SLC48A1: variants seen among roughly 807,000 people sequenced by gnomAD.
SLC48A1 encodes solute carrier family 48 member 1.
SLC48A1 carries 6 observed loss-of-function variants against 14.8 expected under a neutral mutation model. The ratio of observed to expected loss-of-function variants is 0.41; its 90% CI spans 0.22 to 0.80. SLC48A1 has a LOEUF of 0.80. Among genes scored for constraint, SLC48A1 ranks in the 30% least tolerant of loss-of-function variants. The pLI is 0.34. For missense variants in SLC48A1, 165 were observed against 204.8 expected (o/e 0.81, Z 1.19); for synonymous variants, 89 against 90.0 (o/e 0.99, Z 0.06).
upstream of SLC48A1, chr12:47,768,677 G>T (rs1399650245): frequency 6.6e-6 from 1 of 152,232 alleles, no homozygotes; most frequent in Admixed American, 6.5e-5. Flanking sequence ...TGTGGGAGAA[G>T]ATATGTCTGG....
chr12:47,766,898 G>A (rs1942527111), upstream of SLC48A1, among the ~76,000 whole-genome samples: 1 of 152,122 alleles, frequency 6.6e-6, no homozygotes, highest in African/African-American at 2.4e-5. Context: ...CCTAGCCCTG[G>A]GGAGCTGCAT....
chr12:47,781,660 C>A lies in SLC48A1; in HGVS notation c.*1379C>A. On this transcript the variant is annotated 3_prime_UTR_variant, in exon 3 of 3. Transcript: ENST00000442218. ...GTCACTTTAGCAAAAATACAGCGGCCATTTGTATCAGCCTCTGGTGGTTGC... is the reference window on the plus strand; with the variant it reads ...GTCACTTTAGCAAAAATACAGCGGCAATTTGTATCAGCCTCTGGTGGTTGC... 1 of 152,648 alleles carries A rather than the reference C, an allele frequency of 6.6e-6. No homozygotes were observed. The highest frequency in any genetic ancestry group is 1.5e-5 in the Non-Finnish European group (1 of 67,990). 9.5% of individuals were successfully genotyped at this position (152,648 alleles called of 1,614,324 possible).
chr12:47,758,554 C>T, upstream of SLC48A1: 1 of 1,614,040 alleles, frequency 6.2e-7, no homozygotes. Flanking sequence ...TACCCACCTT[C>T]ATGTTTCTTT....
chr12:47,758,225 A>G, upstream of SLC48A1: 3 of 1,434,938 alleles, frequency 2.1e-6, no homozygotes, highest in Non-Finnish European at 2.7e-6. Flanking sequence ...AGCTGGGGGG[A>G]GGAACAGGAA....
chr12:47,775,787 T>A (rs1942740385), intron 1 of SLC48A1, among the ~76,000 whole-genome samples: 1 of 152,138 alleles, frequency 6.6e-6, no homozygotes, highest in African/African-American at 2.4e-5. Context: ...CTGGGTCTGG[T>A]GGGCAGAGTG....
At position 47,773,708 on chromosome 12, in the gene SLC48A1, C is replaced by T. The variant is rs12307801; in HGVS notation, c.136+268C>T. Among the ~76,000 whole-genome samples, 1,465 of 152,320 alleles carry T rather than the reference C, an allele frequency of 9.6e-3. 26 individuals are homozygous for T. The highest frequency in any genetic ancestry group is 0.095 in the South Asian group (456 of 4,824). On this transcript the variant is annotated intron_variant, in intron 1 of 2. Coordinates refer to ENST00000442218, the MANE Select transcript of SLC48A1 (RefSeq NM_017842.3). ...GGCTGCACAGACCTGCCGCGCCGCC[C>T]GGGTTATCTGTCACGGCACACTGCC...
upstream of SLC48A1, among the ~76,000 whole-genome samples, chr12:47,757,008 T>C (rs1488305680): frequency 1.3e-5 from 2 of 151,528 alleles, no homozygotes; most frequent in African/African-American, 2.4e-5. Context: ...AAATGAACTC[T>C]CCCGGCCAAG....
chr12:47,764,991 C>T (rs1592597436), intron 2 of SLC48A1, among the ~76,000 whole-genome samples: 2 of 140,800 alleles, frequency 1.4e-5, no homozygotes, highest in Non-Finnish European at 3.0e-5. Flanking sequence ...GCAGGAGAAT[C>T]GCTTAAACCT....
intron 2 of SLC48A1, among the ~76,000 whole-genome samples, chr12:47,761,030 C>A (rs1307273025): frequency 6.6e-6 from 1 of 152,054 alleles, no homozygotes; most frequent in Non-Finnish European, 1.5e-5. Flanking sequence ...AACCCTGTCT[C>A]TACTAAAAAT....
chr12:47,763,236 C>T (rs12818241), intron 2 of SLC48A1, among the ~76,000 whole-genome samples: 20,163 of 152,166 alleles, frequency 0.13, 1,448 homozygotes, highest in Non-Finnish European at 0.16. Context: ...ACTCATGTCT[C>T]CTCTATCCTG....
At chr12:47,758,981 C>G (rs1017692751) in intron 1 of SLC48A1, 1 of 999,648 alleles carries the variant, frequency 1.0e-6, no homozygotes, top group Non-Finnish European at 1.2e-6. Flanking sequence ...CCCTGCCTTA[C>G]GGTAGAGGAA....
exon 1 of SLC48A1, chr12:47,758,580 C>T (rs1193181073): frequency 1.9e-6 from 3 of 1,613,762 alleles, no homozygotes; most frequent in African/African-American, 2.7e-5. Context: ...CTCGCACAGC[C>T]GTGCAGGCTC....
At chr12:47,762,127 C>G (rs938351725) in intron 2 of SLC48A1, among the ~76,000 whole-genome samples, 1 of 152,162 alleles carries the variant, frequency 6.6e-6, no homozygotes, top group African/African-American at 2.4e-5. Flanking sequence ...ACACTCTACT[C>G]GGACAATGAG....
intron 1 of SLC48A1, chr12:47,759,058 A>G: frequency 2.0e-6 from 2 of 987,076 alleles, no homozygotes; most frequent in Non-Finnish European, 2.4e-6. Context: ...CAGAGTGGAC[A>G]TCCGCCTGAG....
chr12:47,779,841 G>A lies in SLC48A1; in HGVS notation c.305-304G>A, dbSNP rs947357816. Among the ~76,000 whole-genome samples the A allele has an allele frequency of 2.6e-5, 4 of 152,340 alleles. No homozygotes were observed. The East Asian group carries it at 5.8e-4, about 22-fold the overall frequency. On this transcript the variant is annotated intron_variant, in intron 2 of 2. Transcript: ENST00000442218. ...AGAAGCGCAAACCCTGTTGTGAGGC[G>A]CATGCGAGGGTTGCGTGCCCCTGAT...
At chr12:47,762,138 C>T (rs1259101832) in intron 2 of SLC48A1, among the ~76,000 whole-genome samples, 1 of 152,176 alleles carries the variant, frequency 6.6e-6, no homozygotes, top group Non-Finnish European at 1.5e-5. Flanking sequence ...GGACAATGAG[C>T]TCCTGCCAGA....
At chr12:47,774,291 T>C (rs1172844403) in intron 1 of SLC48A1, among the ~76,000 whole-genome samples, 1 of 152,238 alleles carries the variant, frequency 6.6e-6, no homozygotes, top group Non-Finnish European at 1.5e-5. Flanking sequence ...CTTTCTAACA[T>C]TTTAAAAAAT....
chr12:47,774,638 G>C (rs1452994671), intron 1 of SLC48A1, among the ~76,000 whole-genome samples: 1 of 152,168 alleles, frequency 6.6e-6, no homozygotes, highest in Non-Finnish European at 1.5e-5. Flanking sequence ...TCCCTGGGTA[G>C]AGTCGCAGCA....
chr12:47,773,569 C>A, intron 1 of SLC48A1, 129 bp downstream of exon 1: 1 of 1,206,260 alleles, frequency 8.3e-7, no homozygotes, highest in Non-Finnish European at 1.0e-6. Flanking sequence ...TCGAAAACAG[C>A]GGTTGGCGGC....
Sources: allele counts gnomAD v4.1 joint callset (sites outside exome capture counted in the v4.1 genomes callset), GRCh38; gene constraint gnomAD v4.1.1; transcripts MANE v1.5; gene names NCBI Gene and HGNC (gene_info 2026-07-23, HGNC 2026-07-21).